The following SYCP1 variants were observed in gnomAD, a reference collection of about 807,000 sequenced individuals.
SYCP1 encodes the protein cancer/testis antigen 8.
A neutral mutation model predicts 153.1 loss-of-function variants in SYCP1; 64 were observed. The ratio of observed to expected loss-of-function variants is 0.42; its 90% CI spans 0.34 to 0.51. The LOEUF is 0.51. Among genes scored for constraint, SYCP1 ranks in the 20% least tolerant of loss-of-function variants. The probability of loss-of-function intolerance (pLI) is 0.06; values close to 1 mark genes in which losing one functional copy is unlikely to be tolerated. For synonymous variants in SYCP1, 384 were observed against 341.8 expected, an observed-to-expected ratio of 1.12 and a Z score of -1.36; for missense variants, 997 against 1,049.0, an observed-to-expected ratio of 0.95 and a Z score of 0.68.
At chr1:114,956,356 A>T (rs1339582737) in intron 27 of SYCP1, among the ~76,000 whole-genome samples, 1 of 152,200 alleles carries the variant, frequency 6.6e-6, no homozygotes, top group East Asian at 1.9e-4. Flanking sequence ...CCAATGGGAT[A>T]GGCATTCCAA....
chr1:114,896,738 A>G (rs1275018748), intron 16 of SYCP1, among the ~76,000 whole-genome samples: 1 of 152,216 alleles, frequency 6.6e-6, no homozygotes, highest in East Asian at 1.9e-4. Context: ...ATACTAAAGC[A>G]TTGGCTTTTA....
At chr1:114,926,474 A>G in intron 22 of SYCP1, 27 bp from the exon 23 acceptor site, 2 of 1,527,678 alleles carry the variant, frequency 1.3e-6, no homozygotes, top group South Asian at 2.6e-5. Context: ...CTTTAGTACT[A>G]AATATAATTA....
At chr1:114,919,308 A>G (rs1367805798) in intron 20 of SYCP1, among the ~76,000 whole-genome samples, 1 of 152,016 alleles carries the variant, frequency 6.6e-6, no homozygotes, top group Non-Finnish European at 1.5e-5. Flanking sequence ...TATCACATTG[A>G]TTTATTTGTA....
chr1:114,960,920 G>T (rs997855075), intron 27 of SYCP1, among the ~76,000 whole-genome samples: 1 of 152,136 alleles, frequency 6.6e-6, no homozygotes, highest in Admixed American at 6.5e-5. Context: ...AATAGTTTCA[G>T]TAGGATTGGT....
chr1:114,910,559 G>T, intron 17 of SYCP1, 58 bp downstream of exon 17: 4 of 1,080,616 alleles, frequency 3.7e-6, no homozygotes, highest in South Asian at 1.9e-5. Context: ...ATAGATTTAT[G>T]GATTATGGTA....
chr1:114,899,872 A>G (rs1442610800), intron 16 of SYCP1, among the ~76,000 whole-genome samples: 1 of 152,232 alleles, frequency 6.6e-6, no homozygotes, highest in Non-Finnish European at 1.5e-5. Context: ...AGCATCGGAA[A>G]AGCCTGGCGT....
rs776120064 is a variant in SYCP1, at chr1:114,942,826, C to T, written c.1927-1513C>T. ...CCATATTTGAAAATATTGATACATT[C>T]ATATATACTAAAATAATTTCTGGTT... On this transcript the variant is annotated intron_variant, in intron 23 of 31. Transcript: ENST00000369522. Among the ~76,000 whole-genome samples, 4 of 151,944 alleles carry T rather than the reference C, an allele frequency of 2.6e-5. No individual in the cohort carries two copies. In the South Asian group the frequency reaches 8.3e-4, roughly 32 times the overall value.
chr1:114,871,257 T>A (rs775911187), intron 8 of SYCP1, among the ~76,000 whole-genome samples: 1 of 151,518 alleles, frequency 6.6e-6, no homozygotes, highest in Non-Finnish European at 1.5e-5. Flanking sequence ...AACCTCCACC[T>A]TCCGGGATCA....
At chr1:114,963,611 A>C (rs1410938790) in intron 27 of SYCP1, among the ~76,000 whole-genome samples, 1 of 152,026 alleles carries the variant, frequency 6.6e-6, no homozygotes, top group Non-Finnish European at 1.5e-5. Flanking sequence ...CTTACAAGTG[A>C]GAACATGTGG....
At chr1:114,889,649 G>T (rs1358909341) in intron 15 of SYCP1, among the ~76,000 whole-genome samples, 1 of 152,062 alleles carries the variant, frequency 6.6e-6, no homozygotes, top group Non-Finnish European at 1.5e-5. Context: ...CCATTCTGTA[G>T]GTTGCCTGTT....
intron 27 of SYCP1, among the ~76,000 whole-genome samples, chr1:114,965,831 G>T (rs1243453520): frequency 6.6e-6 from 1 of 152,164 alleles, no homozygotes; most frequent in Non-Finnish European, 1.5e-5. Context: ...TCTCTGCCAG[G>T]TTTTGGTATA....
At chr1:114,882,036 C>G (rs565350303) in intron 12 of SYCP1, among the ~76,000 whole-genome samples, 1 of 152,122 alleles carries the variant, frequency 6.6e-6, no homozygotes, top group African/African-American at 2.4e-5. Flanking sequence ...TCCTCATTTT[C>G]TGAGTAAGAA....
intron 27 of SYCP1, among the ~76,000 whole-genome samples, chr1:114,964,816 CT>C (rs1672011512): frequency 6.6e-6 from 1 of 152,120 alleles, no homozygotes; most frequent in African/African-American, 2.4e-5. Context: ...CAGCTTTGTT[CT>C]TTTGGCTTAG....
At chr1:114,878,005 C>T (rs1322487151) in intron 11 of SYCP1, 89 bp from the exon 12 acceptor site, 5 of 770,048 alleles carry the variant, frequency 6.5e-6, no homozygotes, top group South Asian at 2.0e-5. Context: ...AGCATGTAGA[C>T]AAGTACATAA....
At chr1:114,921,646 C>CT in intron 20 of SYCP1, among the ~76,000 whole-genome samples, 1 of 115,008 alleles carries the variant, frequency 8.7e-6, no homozygotes, top group South Asian at 2.5e-4. Flanking sequence ...GAGACTCTGT[C>CT]TCAAAAAAAA....
chr1:114,882,581 T>C (rs1434421630), intron 12 of SYCP1, among the ~76,000 whole-genome samples: 1 of 152,164 alleles, frequency 6.6e-6, no homozygotes, highest in Admixed American at 6.5e-5. Flanking sequence ...TTTAAATGTT[T>C]GTGATTCTCT....
At chr1:114,904,640 T>C (rs1667701265) in intron 16 of SYCP1, among the ~76,000 whole-genome samples, 1 of 152,222 alleles carries the variant, frequency 6.6e-6, no homozygotes, top group Admixed American at 6.5e-5. Flanking sequence ...TTATATTAGG[T>C]TTATACCTAA....
At chr1:114,915,923 G>T (rs1263413337) in intron 20 of SYCP1, among the ~76,000 whole-genome samples, 1 of 152,104 alleles carries the variant, frequency 6.6e-6, no homozygotes, top group Non-Finnish European at 1.5e-5. Context: ...CTGTTGTCCC[G>T]CCTGCCTGCA....
intron 14 of SYCP1, among the ~76,000 whole-genome samples, chr1:114,886,792 C>T (rs1666339458): frequency 1.3e-5 from 2 of 151,664 alleles, no homozygotes; most frequent in Admixed American, 6.6e-5. Flanking sequence ...AATTAATTAT[C>T]ATTAACTTAT....
Sources: gnomAD v4.1 joint callset for allele counts (sites outside exome capture counted in the v4.1 genomes callset) on GRCh38, gnomAD v4.1.1 for gene constraint, MANE v1.5 for transcripts, NCBI Gene and HGNC (gene_info 2026-07-23, HGNC 2026-07-21) for gene names.